ZC3H12B: variants seen among roughly 807,000 people sequenced by gnomAD.
ZC3H12B encodes the protein zinc finger CCCH-type containing 12B, also known as probable ribonuclease ZC3H12B.
In ZC3H12B, 7 loss-of-function variants were observed where a neutral mutation model predicts 43.9. That is an observed-to-expected ratio of 0.16 (90% CI 0.09 to 0.30). The LOEUF (loss-of-function observed/expected upper bound fraction) is 0.30, where lower values mean the gene tolerates loss of function less well. ZC3H12B is among the 10% of genes least tolerant of loss of function. ZC3H12B has a pLI of 1.00. For missense variants in ZC3H12B, 475 were observed against 670.2 expected (o/e 0.71, Z 3.22); for synonymous variants, 222 against 241.7 (o/e 0.92, Z 0.76).
chrX:65,063,925 A>T, the ZC3H12B span, among the ~76,000 whole-genome samples: 1 of 111,444 alleles, frequency 9.0e-6, no homozygotes, highest in Admixed American at 9.5e-5. Context: ...TTTATGCTAG[A>T]TTTTCTAGTT....
the ZC3H12B span, among the ~76,000 whole-genome samples, chrX:65,195,102 T>A: frequency 9.0e-6 from 1 of 110,700 alleles, no homozygotes; most frequent in Admixed American, 9.7e-5. Context: ...GGTCTTTTTT[T>A]TTTTAATGCA....
chrX:65,055,220 G>T, the ZC3H12B span, among the ~76,000 whole-genome samples: 2 of 111,423 alleles, frequency 1.8e-5, no homozygotes, highest in Non-Finnish European at 3.8e-5. Flanking sequence ...TTGGCTGTGG[G>T]TTTGTCATAA....
chrX:65,218,900 G>A, the ZC3H12B span, among the ~76,000 whole-genome samples: 2 of 111,777 alleles, frequency 1.8e-5, no homozygotes, highest in African/African-American at 6.5e-5. Context: ...ATGAAACCAA[G>A]GACCCTCACA....
the ZC3H12B span, among the ~76,000 whole-genome samples, chrX:65,296,982 C>G: frequency 9.0e-6 from 1 of 111,361 alleles, no homozygotes; most frequent in African/African-American, 3.3e-5. Context: ...GCAATGACAT[C>G]ATATAAGGGA....
intron 1 of ZC3H12B, among the ~76,000 whole-genome samples, chrX:65,368,447 T>C (rs1352996238): frequency 8.9e-6 from 1 of 111,988 alleles, no homozygotes; most frequent in African/African-American, 3.2e-5. Flanking sequence ...ATTTAGATAA[T>C]AGTTATTAAA....
chrX:65,090,668 G>A, the ZC3H12B span, among the ~76,000 whole-genome samples: 1 of 111,398 alleles, frequency 9.0e-6, no homozygotes, highest in Non-Finnish European at 1.9e-5. Flanking sequence ...GGACTCTGCA[G>A]GTGTCCCTTT....
At chrX:65,451,394 A>G (rs939824694) in intron 3 of ZC3H12B, among the ~76,000 whole-genome samples, 1 of 112,113 alleles carries the variant, frequency 8.9e-6, no homozygotes, top group African/African-American at 3.2e-5. Flanking sequence ...TCTTTGTCAG[A>G]TAATGCATAA....
chrX:65,132,392 A>G, the ZC3H12B span, among the ~76,000 whole-genome samples: 1 of 110,711 alleles, frequency 9.0e-6, no homozygotes, highest in African/African-American at 3.3e-5. Flanking sequence ...GTGGGATGGG[A>G]TACTGGCATT....
chrX:65,049,704 A>C, the ZC3H12B span, among the ~76,000 whole-genome samples: 1 of 111,376 alleles, frequency 9.0e-6, no homozygotes, highest in East Asian at 2.8e-4. Flanking sequence ...ATTTTTGTAA[A>C]AAATGCCATT....
chrX:65,358,019 TA>T, the ZC3H12B span, among the ~76,000 whole-genome samples: 446 of 90,415 alleles, frequency 4.9e-3, no homozygotes, highest in Middle Eastern at 0.011. Flanking sequence ...AAATGGAAAG[TA>T]AAAAAAAAAA....
At chrX:65,162,096 C>A in the ZC3H12B span, among the ~76,000 whole-genome samples, 2 of 111,486 alleles carry the variant, frequency 1.8e-5, no homozygotes, top group African/African-American at 6.5e-5. Context: ...GTATTGGCCC[C>A]CACTCTCTTC....
chrX:65,120,336 G>A, the ZC3H12B span, among the ~76,000 whole-genome samples: 9 of 111,242 alleles, frequency 8.1e-5, no homozygotes, highest in African/African-American at 3.0e-4. Context: ...GCAGAGGTTT[G>A]TAGTTCTCCT....
chrX:65,223,097 C>T, the ZC3H12B span, among the ~76,000 whole-genome samples: 1 of 111,882 alleles, frequency 8.9e-6, no homozygotes, highest in African/African-American at 3.2e-5. Flanking sequence ...TTACAGCCAA[C>T]TGATCTTTGA....
chrX:65,194,248 G>T, the ZC3H12B span, among the ~76,000 whole-genome samples: 1 of 78,724 alleles, frequency 1.3e-5, no homozygotes, highest in Non-Finnish European at 2.4e-5. Flanking sequence ...CTTCTTTGGG[G>T]TGGGGGGAGG....
At chrX:65,160,841 A>C in the ZC3H12B span, among the ~76,000 whole-genome samples, 11 of 110,514 alleles carry the variant, frequency 1.0e-4, no homozygotes, top group East Asian at 2.8e-3. Context: ...TAGTTCTTTT[A>C]ATTGTGATGT....
chrX:65,243,236 T>C, the ZC3H12B span, among the ~76,000 whole-genome samples: 1 of 112,007 alleles, frequency 8.9e-6, no homozygotes, highest in Non-Finnish European at 1.9e-5. Flanking sequence ...TGACAATGGA[T>C]TAATAACCAG....
intron 2 of ZC3H12B, among the ~76,000 whole-genome samples, chrX:65,377,940 T>C (rs1281077552): frequency 1.8e-5 from 2 of 109,928 alleles, no homozygotes; most frequent in African/African-American, 6.6e-5. Flanking sequence ...CTACTAAAAA[T>C]TCAAAAAAAT....
the ZC3H12B span, among the ~76,000 whole-genome samples, chrX:65,281,774 C>G: frequency 8.9e-6 from 1 of 112,046 alleles, no homozygotes; most frequent in Non-Finnish European, 1.9e-5. Context: ...AAATATTTGA[C>G]AGATAAGACC....
upstream of ZC3H12B, among the ~76,000 whole-genome samples, chrX:65,484,948 C>G (rs977559234): frequency 9.0e-6 from 1 of 111,670 alleles, no homozygotes; most frequent in Non-Finnish European, 1.9e-5. Context: ...AGACTTTGAT[C>G]TTTTTTTCTT....
Sources: gnomAD v4.1 joint callset for allele counts (sites outside exome capture counted in the v4.1 genomes callset) on GRCh38, gnomAD v4.1.1 for gene constraint, MANE v1.5 for transcripts, NCBI Gene and HGNC (gene_info 2026-07-23, HGNC 2026-07-21) for gene names.